Variants in CNTNAP5 observed in about 807,000 individuals in gnomAD.
CNTNAP5 encodes the protein contactin-associated protein-like 5.
In CNTNAP5, 72 loss-of-function variants were observed where a neutral mutation model predicts 150.2. That is an observed-to-expected ratio of 0.48 (90% confidence interval 0.40 to 0.58). CNTNAP5 has a LOEUF of 0.58. CNTNAP5 is among the 20% of genes least tolerant of loss of function. The probability of loss-of-function intolerance (pLI) is 0.00; values close to 1 mark genes in which losing one functional copy is unlikely to be tolerated. For synonymous variants in CNTNAP5, 672 were observed against 619.8 expected (o/e 1.08, Z -1.25); for missense variants, 1,636 against 1,626.2 (o/e 1.01, Z -0.10).
At chr2:124,338,659 A>T (rs1689534433) in intron 3 of CNTNAP5, among the ~76,000 whole-genome samples, 1 of 152,152 alleles carries the variant, frequency 6.6e-6, no homozygotes, top group African/African-American at 2.4e-5. Context: ...TTTTCTTTAG[A>T]AAAAATTTCC....
At chr2:124,276,468 T>C (rs927228506) in intron 3 of CNTNAP5, among the ~76,000 whole-genome samples, 1 of 152,176 alleles carries the variant, frequency 6.6e-6, no homozygotes, top group Admixed American at 6.6e-5. Flanking sequence ...GTCCCTTGAT[T>C]TATTTAAATG....
chr2:124,244,825 C>A (rs1210783842), intron 3 of CNTNAP5, among the ~76,000 whole-genome samples: 1 of 152,068 alleles, frequency 6.6e-6, no homozygotes, highest in East Asian at 1.9e-4. Context: ...AAATGTAATT[C>A]TTTATGTATA....
At chr2:124,357,440 G>A (rs1690045323) in intron 3 of CNTNAP5, among the ~76,000 whole-genome samples, 1 of 151,872 alleles carries the variant, frequency 6.6e-6, no homozygotes, top group Non-Finnish European at 1.5e-5. Flanking sequence ...ATGGTTTTAG[G>A]TCTAACATTT....
At chr2:124,294,475 AGAG>A (rs1688372852) in intron 3 of CNTNAP5, among the ~76,000 whole-genome samples, 1 of 152,156 alleles carries the variant, frequency 6.6e-6, no homozygotes, top group African/African-American at 2.4e-5. Context: ...CTTTAGTACC[AGAG>A]GAGAAGAAAT....
chr2:124,065,061 G>A (rs375010736), intron 1 of CNTNAP5, among the ~76,000 whole-genome samples: 1 of 152,104 alleles, frequency 6.6e-6, no homozygotes, highest in African/African-American at 2.4e-5. Context: ...TAATCCCCCA[G>A]TACCTCTCTA....
chr2:124,467,323 A>G (rs1480865267), intron 6 of CNTNAP5, among the ~76,000 whole-genome samples: 1 of 152,108 alleles, frequency 6.6e-6, no homozygotes, highest in Non-Finnish European at 1.5e-5. Flanking sequence ...TCAAGAGGAA[A>G]AGCCAAGGTT....
At chr2:124,028,342 A>G (rs755031901) in intron 1 of CNTNAP5, among the ~76,000 whole-genome samples, 37 of 151,966 alleles carry the variant, frequency 2.4e-4, no homozygotes, top group Non-Finnish European at 5.0e-4. Flanking sequence ...ATGCATTTAC[A>G]TTTCTCATAA....
intron 1 of CNTNAP5, among the ~76,000 whole-genome samples, chr2:124,158,513 C>T (rs531207383): frequency 3.3e-4 from 50 of 152,208 alleles, no homozygotes; most frequent in Non-Finnish European, 5.7e-4. Context: ...CACGTTTTGC[C>T]TTCTGGAAAT....
chr2:124,712,540 G>C (rs1230115392), intron 13 of CNTNAP5, among the ~76,000 whole-genome samples: 1 of 152,158 alleles, frequency 6.6e-6, no homozygotes, highest in Non-Finnish European at 1.5e-5. Context: ...TGGTGTGTCA[G>C]ACAATTCAGG....
At chr2:124,327,663 A>T (rs1689252648) in intron 3 of CNTNAP5, among the ~76,000 whole-genome samples, 1 of 152,136 alleles carries the variant, frequency 6.6e-6, no homozygotes, top group South Asian at 2.1e-4. Flanking sequence ...ATTGATGATA[A>T]CTCTTTCAAC....
intron 1 of CNTNAP5, among the ~76,000 whole-genome samples, chr2:124,107,382 C>A (rs1683192629): frequency 6.6e-6 from 1 of 152,158 alleles, no homozygotes; most frequent in Admixed American, 6.5e-5. Flanking sequence ...AAAGGGAAAT[C>A]TGGAAAATGA....
At chr2:124,090,284 A>C (rs1682783929) in intron 1 of CNTNAP5, among the ~76,000 whole-genome samples, 1 of 152,222 alleles carries the variant, frequency 6.6e-6, no homozygotes, top group Admixed American at 6.5e-5. Flanking sequence ...TCAAAATAAA[A>C]AAAGAACCAA....
chr2:124,038,623 T>C (rs1254214942), intron 1 of CNTNAP5, among the ~76,000 whole-genome samples: 1 of 152,220 alleles, frequency 6.6e-6, no homozygotes, highest in Non-Finnish European at 1.5e-5. Context: ...GCAGAACTTT[T>C]GGTTTACTAA....
At chr2:124,267,916 C>T (rs1194832605) in intron 3 of CNTNAP5, among the ~76,000 whole-genome samples, 2 of 152,172 alleles carry the variant, frequency 1.3e-5, no homozygotes, top group African/African-American at 2.4e-5. Context: ...GGCTGACTCA[C>T]AATCCAAGTG....
chr2:124,537,876 G>T (rs1031980495), intron 10 of CNTNAP5, among the ~76,000 whole-genome samples: 5 of 152,030 alleles, frequency 3.3e-5, no homozygotes, highest in Non-Finnish European at 7.4e-5. Context: ...GCATATGGAC[G>T]GGCACAAAAG....
chr2:124,428,410 C>T (rs1692292186), intron 4 of CNTNAP5, among the ~76,000 whole-genome samples: 1 of 152,162 alleles, frequency 6.6e-6, no homozygotes, highest in African/African-American at 2.4e-5. Context: ...CACAAGAATG[C>T]ATGAGTGAAG....
intron 1 of CNTNAP5, among the ~76,000 whole-genome samples, chr2:124,203,436 G>T (rs559219207): frequency 2.6e-5 from 4 of 152,162 alleles, no homozygotes; most frequent in Non-Finnish European, 4.4e-5. Context: ...CTGGAGGAAG[G>T]TAGCCCTTTC....
At chr2:124,531,744 G>C (rs1378132642) in intron 10 of CNTNAP5, among the ~76,000 whole-genome samples, 1 of 152,198 alleles carries the variant, frequency 6.6e-6, no homozygotes, top group Non-Finnish European at 1.5e-5. Context: ...AGGAGGCACT[G>C]ATCTGGAAAA....
In CNTNAP5 at chr2:124,803,112, C is replaced by CAA. The variant is rs762676238; in HGVS notation, c.3217+4806_3217+4807dup. On this transcript the variant is annotated intron_variant, in intron 19 of 23. Transcript: ENST00000682447. Reference sequence around the variant, plus strand: ...GCTGGGCGACAGAGCAAGACTCCTTCAAAAAAAAAAAAAAAGAAGTCTAGT... The same window carrying CAA: ...GCTGGGCGACAGAGCAAGACTCCTTCAAAAAAAAAAAAAAAAAGAAGTCTAGT... Among the ~76,000 whole-genome samples the CAA allele has an allele frequency of 4.2e-3, 427 of 102,358 alleles. 5 individuals are homozygous for CAA. Among genetic ancestry groups the CAA allele is most frequent in the African/African-American group, 0.012 (356 of 29,712 alleles). The allele number at this position is 102,358 out of a possible 152,430, so 67.2% of individuals were successfully genotyped here. A position where few individuals can be genotyped will look rare whatever the true frequency, so the allele number is the denominator to read the frequency against.
Sources: gnomAD v4.1 joint callset for allele counts (sites outside exome capture counted in the v4.1 genomes callset) on GRCh38, gnomAD v4.1.1 for gene constraint, MANE v1.5 for transcripts, NCBI Gene and HGNC (gene_info 2026-07-23, HGNC 2026-07-21) for gene names.